CFH: variants seen among roughly 807,000 people sequenced by gnomAD.
CFH encodes the protein H factor 1 (complement).
In CFH, 53 loss-of-function variants were observed where a neutral mutation model predicts 147.3. That is an observed-to-expected ratio of 0.36 (90% CI 0.29 to 0.45). The LOEUF (loss-of-function observed/expected upper bound fraction) is 0.45. CFH is among the 20% of genes least tolerant of loss of function. CFH has a pLI of 1.00. For synonymous variants in CFH, 536 were observed against 489.4 expected (o/e 1.10, Z -1.26); for missense variants, 1,380 against 1,498.0 (o/e 0.92, Z 1.30).
intron 11 of CFH, among the ~76,000 whole-genome samples, chr1:196,717,535 A>G (rs1046963337): frequency 3.3e-5 from 5 of 152,112 alleles, no homozygotes; most frequent in Admixed American, 3.3e-4. Flanking sequence ...TTAATAGAGT[A>G]GAAGAGACAG....
At position 196,705,200 on chromosome 1, in the gene CFH, A is replaced by ATT. The variant is rs59788901; in HGVS notation, c.1337-8526_1337-8525dup. On this transcript the variant is annotated intron_variant, in intron 9 of 21. Coordinates refer to ENST00000367429, the MANE Select transcript of CFH (RefSeq NM_000186.4). ...GACCAGAATATTATACTGGCTTTAC[A>ATT]TTTTTTTTTTGTCTGGATGGGGATC... Among the ~76,000 whole-genome samples, 1,187 of 149,978 alleles carry ATT rather than the reference A, an allele frequency of 7.9e-3. 19 individuals carry two copies. Among genetic ancestry groups the ATT allele is most frequent in the East Asian group, 0.022 (112 of 5,082 alleles).
chr1:196,690,915 A>G (rs1029317432), intron 9 of CFH, among the ~76,000 whole-genome samples: 14 of 152,124 alleles, frequency 9.2e-5, no homozygotes, highest in African/African-American at 3.4e-4. Context: ...AGAAAGGAAG[A>G]TGCACCTGCC....
intron 7 of CFH, among the ~76,000 whole-genome samples, chr1:196,687,054 A>G (rs1343523206): frequency 6.6e-6 from 1 of 152,084 alleles, no homozygotes; most frequent in Non-Finnish European, 1.5e-5. Context: ...GCATTCAAAG[A>G]GACTCTTATG....
chr1:196,670,167 T>C (rs1315848522), intron 1 of CFH, among the ~76,000 whole-genome samples: 1 of 152,124 alleles, frequency 6.6e-6, no homozygotes, highest in Non-Finnish European at 1.5e-5. Context: ...ATCTTGAAAA[T>C]GACTAATTTT....
chr1:196,708,321 A>G (rs1668643415), intron 9 of CFH, among the ~76,000 whole-genome samples: 1 of 152,186 alleles, frequency 6.6e-6, no homozygotes, highest in Non-Finnish European at 1.5e-5. Flanking sequence ...ACCTATCTGC[A>G]CCAGCTTCTT....
chr1:196,701,356 T>A, intron 9 of CFH: 1 of 1,613,678 alleles, frequency 6.2e-7, no homozygotes, highest in Non-Finnish European at 8.5e-7. Flanking sequence ...GTCATCCCTC[T>A]CCAGCTTGAG....
At chr1:196,679,590 T>C in intron 5 of CFH, 33 bp from the exon 6 acceptor site, 2 of 1,502,468 alleles carry the variant, frequency 1.3e-6, no homozygotes, top group Non-Finnish European at 1.8e-6. Flanking sequence ...TAATTTGCAA[T>C]AAACATTTTG....
intron 18 of CFH, 118 bp downstream of exon 18, chr1:196,740,910 C>A: frequency 4.8e-6 from 5 of 1,045,004 alleles, no homozygotes; most frequent in Non-Finnish European, 7.3e-6. Context: ...CTTGAATATT[C>A]TGGACTGCTG....
At chr1:196,667,427 A>G (rs1374872347) in intron 1 of CFH, among the ~76,000 whole-genome samples, 2 of 152,204 alleles carry the variant, frequency 1.3e-5, no homozygotes, top group African/African-American at 4.8e-5. Context: ...TAGCCTTTTT[A>G]TTAATATGAA....
At chr1:196,741,032 T>C (rs935963049) in intron 18 of CFH, 2 of 502,056 alleles carry the variant, frequency 4.0e-6, no homozygotes, top group Admixed American at 3.2e-5. Context: ...ATTCTCAGAC[T>C]TCTCATCTCT....
At chr1:196,662,700 G>A (rs907771649) in intron 1 of CFH, among the ~76,000 whole-genome samples, 21 of 151,838 alleles carry the variant, frequency 1.4e-4, no homozygotes, top group African/African-American at 4.3e-4. Flanking sequence ...TGGGCAAAAC[G>A]GCAAAACCTC....
intron 9 of CFH, chr1:196,701,467 G>A (rs1025087445): frequency 3.5e-5 from 46 of 1,323,678 alleles, no homozygotes; most frequent in African/African-American, 2.9e-5. Context: ...TGTTATGTGT[G>A]TATTATTCCA....
At chr1:196,741,846 G>T in intron 18 of CFH, 29 bp from the exon 19 acceptor site, 1 of 1,606,674 alleles carries the variant, frequency 6.2e-7, no homozygotes, top group Non-Finnish European at 8.5e-7. Flanking sequence ...AAAGATTTGC[G>T]GAACAAATAC....
At chr1:196,724,330 C>T (rs1229431300) in intron 11 of CFH, among the ~76,000 whole-genome samples, 1 of 151,966 alleles carries the variant, frequency 6.6e-6, no homozygotes, top group Non-Finnish European at 1.5e-5. Flanking sequence ...CATGAGTGCA[C>T]TGCAGGCATG....
At chr1:196,714,638 T>TATATATATATAC (rs1553278047) in intron 10 of CFH, among the ~76,000 whole-genome samples, 1 of 21,306 alleles carries the variant, frequency 4.7e-5, no homozygotes, top group African/African-American at 2.5e-4. Context: ...TATATATGTA[T>TATATATATATAC]ATATATATAT....
chr1:196,705,968 A>G (rs1398299317), intron 9 of CFH, among the ~76,000 whole-genome samples: 4 of 152,164 alleles, frequency 2.6e-5, no homozygotes, highest in Non-Finnish European at 5.9e-5. Flanking sequence ...AGTGTGTTCT[A>G]TTCAACCAGA....
At position 196,747,255 on chromosome 1, in the gene CFH, C is replaced by A. The variant is rs1336416676; in HGVS notation, c.3638C>A (p.Thr1213Lys). Residue 1213 changes from threonine to lysine, a missense_variant, in exon 22 of 22, where the codon ACA becomes AAA. Physicochemically the swap from Thr to Lys is moderately conservative, Grantham distance 78. Transcript: ENST00000367429. Reference protein sequence around the residue: ...RGYRLSSRSHTLRTTCWDGKL... With the variant: ...RGYRLSSRSHKLRTTCWDGKL... ...TATCGTCTTTCATCACGTTCTCACA[C>A]ATTGCGAACAACATGTTGGGATGGG... 20 of 1,614,018 alleles carry A rather than the reference C, an allele frequency of 1.2e-5. No homozygotes were observed. The highest frequency in any genetic ancestry group is 1.7e-5 in the Non-Finnish European group (20 of 1,179,922).
intron 9 of CFH, among the ~76,000 whole-genome samples, chr1:196,704,443 C>T (rs1668539264): frequency 6.6e-6 from 1 of 152,178 alleles, no homozygotes; most frequent in Admixed American, 6.5e-5. Context: ...GCTAAGATTA[C>T]TTTTTCTCTG....
intron 9 of CFH, among the ~76,000 whole-genome samples, chr1:196,703,982 C>CAAAAAA (rs386369224): frequency 3.3e-5 from 2 of 60,558 alleles, no homozygotes; most frequent in East Asian, 6.2e-4. Flanking sequence ...AAGACTCTGT[C>CAAAAAA]AAAAAAAAAA....
Sources: allele counts gnomAD v4.1 joint callset (sites outside exome capture counted in the v4.1 genomes callset), GRCh38; gene constraint gnomAD v4.1.1; transcripts MANE v1.5; gene names NCBI Gene and HGNC (gene_info 2026-07-23, HGNC 2026-07-21).